Variants in TENM2 observed in about 807,000 individuals in gnomAD.
The protein encoded by TENM2 is teneurin-2.
TENM2 carries 52 observed loss-of-function variants against 245.2 expected under a neutral mutation model. The ratio of observed to expected loss-of-function variants is 0.21; its 90% CI spans 0.17 to 0.27. The LOEUF is 0.27. Ranked by LOEUF, TENM2 falls within the 10% of genes least tolerant of loss-of-function variation. The pLI is 1.00. For synonymous variants in TENM2, 1,363 were observed against 1,438.9 expected (o/e 0.95, Z 1.19); for missense variants, 3,046 against 3,666.8 (o/e 0.83, Z 4.37).
intron 2 of TENM2, among the ~76,000 whole-genome samples, chr5:167,845,015 C>G (rs932822598): frequency 9.2e-5 from 14 of 152,200 alleles, no homozygotes; most frequent in Middle Eastern, 3.4e-3. Context: ...TTACACCTCT[C>G]TCTGTAAGAT....
intron 2 of TENM2, among the ~76,000 whole-genome samples, chr5:167,452,067 C>T (rs2127476247): frequency 6.6e-6 from 1 of 152,206 alleles, no homozygotes; most frequent in Non-Finnish European, 1.5e-5. Context: ...ACATTGCCTA[C>T]ATAGTTCTTT....
chr5:167,215,868 C>G, the TENM2 span, among the ~76,000 whole-genome samples: 1 of 152,100 alleles, frequency 6.6e-6, no homozygotes, highest in Admixed American at 6.5e-5. Context: ...TGCTGTATAC[C>G]ACAGTTGATT....
At chr5:167,714,327 G>A (rs753444300) in intron 2 of TENM2, among the ~76,000 whole-genome samples, 3 of 152,246 alleles carry the variant, frequency 2.0e-5, no homozygotes, top group Admixed American at 1.3e-4. Flanking sequence ...GCAAGAAGTC[G>A]CATGGATTGG....
chr5:167,585,482 G>C (rs973618197), intron 2 of TENM2, among the ~76,000 whole-genome samples: 1 of 152,146 alleles, frequency 6.6e-6, no homozygotes, highest in African/African-American at 2.4e-5. Context: ...AGTCAGAAAT[G>C]ATGATGCAGA....
the TENM2 span, among the ~76,000 whole-genome samples, chr5:167,159,239 G>T: frequency 6.6e-6 from 1 of 151,598 alleles, no homozygotes; most frequent in African/African-American, 2.4e-5. Flanking sequence ...CACTGTGCCT[G>T]GCCCCATAGC....
rs192250892 is a variant in TENM2, at chr5:167,866,415, T to C, written c.503-9571T>C. 2.8e-4 allele frequency among the ~76,000 whole-genome samples: 42 copies of C among 151,766 alleles called. 1 individual carries two copies. Among genetic ancestry groups the C allele is most frequent in the Non-Finnish European group, 2.2e-4 (15 of 67,956 alleles). ...CAGGAGGCTGAGGCAGGAGAGTCTC[T>C]TGAACTCATGAAGCAGAGGCTGCAG... On this transcript the variant is annotated intron_variant, in intron 2 of 28. Coordinates refer to ENST00000518659, the Ensembl canonical transcript of TENM2.
At chr5:167,297,818 G>A (rs1195065531) in intron 1 of TENM2, among the ~76,000 whole-genome samples, 2 of 152,110 alleles carry the variant, frequency 1.3e-5, no homozygotes, top group Admixed American at 6.5e-5. Flanking sequence ...GTTCTCTGGT[G>A]GGCTGGAGTG....
At chr5:167,907,524 AATATATATATATATATATATAT>A (rs56159044) in intron 3 of TENM2, among the ~76,000 whole-genome samples, 4,184 of 78,290 alleles carry the variant, frequency 0.053, 160 homozygotes, top group Admixed American at 0.087. Flanking sequence ...GATCACCCTA[AATATATATATATATATATATAT>A]ATATATATAT....
At chr5:167,185,630 C>T in the TENM2 span, among the ~76,000 whole-genome samples, 1 of 151,884 alleles carries the variant, frequency 6.6e-6, no homozygotes, top group African/African-American at 2.4e-5. Flanking sequence ...TCTAGTTAGT[C>T]TTATATAAAC....
At chr5:167,065,128 A>G in the TENM2 span, among the ~76,000 whole-genome samples, 4 of 152,184 alleles carry the variant, frequency 2.6e-5, no homozygotes, top group Non-Finnish European at 5.9e-5. Context: ...GGCACCGTAT[A>G]CAATGAGTAT....
At chr5:167,317,343 T>C (rs931577696) in intron 1 of TENM2, among the ~76,000 whole-genome samples, 1 of 152,174 alleles carries the variant, frequency 6.6e-6, no homozygotes, top group African/African-American at 2.4e-5. Context: ...AGCACTAAAC[T>C]GTCTCTGTGG....
exon 4 of TENM2, chr5:167,952,813 T>C: frequency 7.1e-6 from 11 of 1,555,488 alleles, no homozygotes; most frequent in Non-Finnish European, 9.6e-6. Flanking sequence ...AACGTGCCAC[T>C]GGAGACCCGG....
intron 2 of TENM2, among the ~76,000 whole-genome samples, chr5:167,525,356 T>G (rs909763802): frequency 3.3e-5 from 5 of 152,172 alleles, no homozygotes; most frequent in Non-Finnish European, 7.3e-5. Context: ...AAAGGTCAGA[T>G]TCTCTTTATA....
intron 2 of TENM2, among the ~76,000 whole-genome samples, chr5:167,825,122 A>G (rs1309538687): frequency 1.3e-5 from 2 of 152,188 alleles, no homozygotes; most frequent in Non-Finnish European, 2.9e-5. Context: ...TTATATTTTT[A>G]CATATTTGTG....
At chr5:167,975,731 A>C (rs993882811) in intron 4 of TENM2, among the ~76,000 whole-genome samples, 9 of 152,094 alleles carry the variant, frequency 5.9e-5, no homozygotes, top group African/African-American at 1.7e-4. Context: ...GTAAATATGC[A>C]GATAGGGTTT....
At chr5:167,986,753 A>T (rs1401233966) in intron 4 of TENM2, among the ~76,000 whole-genome samples, 1 of 152,212 alleles carries the variant, frequency 6.6e-6, no homozygotes, top group Non-Finnish European at 1.5e-5. Context: ...CAGTTGGGGC[A>T]TCACAAATGA....
At chr5:167,462,244 C>T (rs1477743046) in intron 2 of TENM2, among the ~76,000 whole-genome samples, 3 of 132,468 alleles carry the variant, frequency 2.3e-5, no homozygotes, top group Admixed American at 9.2e-5. Flanking sequence ...CTGTTGTGCA[C>T]TCAAACCCCT....
chr5:167,714,713 G>T (rs979350413), intron 2 of TENM2, among the ~76,000 whole-genome samples: 1 of 152,186 alleles, frequency 6.6e-6, no homozygotes, highest in African/African-American at 2.4e-5. Context: ...CTTAAGAAAT[G>T]TCGACCAGCA....
chr5:167,859,227 T>C (rs1771422518), intron 2 of TENM2, among the ~76,000 whole-genome samples: 1 of 68,734 alleles, frequency 1.5e-5, no homozygotes, highest in African/African-American at 5.9e-5. Flanking sequence ...GGAGACCCTC[T>C]GCCTGGCAAC....
Sources: gnomAD v4.1 joint callset for allele counts (sites outside exome capture counted in the v4.1 genomes callset) on GRCh38, gnomAD v4.1.1 for gene constraint, MANE v1.5 for transcripts, NCBI Gene and HGNC (gene_info 2026-07-23, HGNC 2026-07-21) for gene names.